The following MYRIP variants were observed in gnomAD, a reference collection of about 807,000 sequenced individuals.
MYRIP encodes the protein rab effector MyRIP.
Under a neutral mutation model 98.0 loss-of-function variants are expected in MYRIP, and 49 were observed. That is an observed-to-expected ratio of 0.50 (90% CI 0.40 to 0.63). The LOEUF is 0.63. MYRIP is among the 30% of genes least tolerant of loss of function. The probability of loss-of-function intolerance (pLI) is 0.00; values close to 1 mark genes in which losing one functional copy is unlikely to be tolerated. For missense variants in MYRIP, 1,004 were observed against 1,058.2 expected, an observed-to-expected ratio of 0.95 and a Z score of 0.71; for synonymous variants, 404 against 409.5, an observed-to-expected ratio of 0.99 and a Z score of 0.16.
At chr3:39,903,867 C>T (rs1048003606) in intron 2 of MYRIP, among the ~76,000 whole-genome samples, 2 of 152,130 alleles carry the variant, frequency 1.3e-5, no homozygotes, top group Non-Finnish European at 2.9e-5. Flanking sequence ...TTTTACTCTC[C>T]CTCCCTCCTT....
chr3:40,151,727 G>A (rs1037470380), intron 4 of MYRIP, among the ~76,000 whole-genome samples: 5 of 152,256 alleles, frequency 3.3e-5, no homozygotes, highest in African/African-American at 1.2e-4. Flanking sequence ...ACTTGGAATG[G>A]GAAATTATAT....
At chr3:39,837,862 T>C (rs1212806006) in intron 1 of MYRIP, among the ~76,000 whole-genome samples, 2 of 152,244 alleles carry the variant, frequency 1.3e-5, no homozygotes, top group African/African-American at 2.4e-5. Flanking sequence ...GGAATGTTTT[T>C]CCATTTGTTC....
intron 1 of MYRIP, among the ~76,000 whole-genome samples, chr3:39,838,010 C>G (rs898201501): frequency 1.1e-4 from 16 of 152,094 alleles, no homozygotes; most frequent in African/African-American, 3.9e-4. Flanking sequence ...TGATTTGGCT[C>G]TCTGTCTACT....
intron 2 of MYRIP, among the ~76,000 whole-genome samples, chr3:40,017,605 C>G (rs377656807): frequency 6.6e-6 from 1 of 151,390 alleles, no homozygotes; most frequent in African/African-American, 2.4e-5. Context: ...CATAAGGGAA[C>G]TTTGAACAAT....
rs552947227 is a variant in MYRIP at position 39,842,334 on chromosome 3, C to T, written c.-31+32418C>T. ...CTGACCAGGCTCCAGTGTCCCTGGTCGACTTCAGACTGCCGTGCTGGCAGC... is the reference window on the plus strand; with the variant it reads ...CTGACCAGGCTCCAGTGTCCCTGGTTGACTTCAGACTGCCGTGCTGGCAGC... On this transcript the variant is annotated intron_variant, in intron 1 of 16. Coordinates refer to ENST00000302541, the MANE Select transcript of MYRIP (RefSeq NM_015460.4). Among the ~76,000 whole-genome samples the T allele has an allele frequency of 2.6e-5, 4 of 152,256 alleles. No individual in the cohort carries two copies. The South Asian group carries it at 8.3e-4, about 32-fold the overall frequency.
chr3:40,243,915 A>G (rs1332086183), intron 12 of MYRIP, among the ~76,000 whole-genome samples: 1 of 152,228 alleles, frequency 6.6e-6, no homozygotes, highest in African/African-American at 2.4e-5. Context: ...ATATTTTTCT[A>G]TTACAAACTT....
intron 2 of MYRIP, among the ~76,000 whole-genome samples, chr3:39,939,500 G>A (rs892055417): frequency 2.0e-5 from 3 of 152,076 alleles, no homozygotes; most frequent in Non-Finnish European, 2.9e-5. Context: ...TTATCTGCAC[G>A]TGTGTGTAAG....
chr3:39,967,084 C>T (rs1945461476), intron 2 of MYRIP, among the ~76,000 whole-genome samples: 1 of 152,156 alleles, frequency 6.6e-6, no homozygotes, highest in African/African-American at 2.4e-5. Context: ...TAGGGGCAGA[C>T]AGTATATGTA....
Position 40,167,236 on chromosome 3 carries a change from G to A in MYRIP, c.726G>A (p.Gln242=). The change falls in exon 7 of 17, where the codon CAG becomes CAA. Residue 242 remains glutamine, a synonymous_variant. Coordinates refer to ENST00000302541, the MANE Select transcript of MYRIP (RefSeq NM_015460.4). ...LTEELATTIL[Q]KIIRKQKSKS... Reference sequence around the variant, plus strand: ...AGGAACTGGCCACGACAATCCTGCAGAAGGTAGGTGGGTCCTGGCAGTGGG... The same window carrying A: ...AGGAACTGGCCACGACAATCCTGCAAAAGGTAGGTGGGTCCTGGCAGTGGG... The A allele has an allele frequency of 6.2e-7, 1 of 1,614,138 alleles. No homozygotes were observed. The highest frequency in any genetic ancestry group is 8.5e-7 in the Non-Finnish European group (1 of 1,180,006).
chr3:40,238,303 G>A (rs114805013), intron 12 of MYRIP, among the ~76,000 whole-genome samples: 188 of 152,322 alleles, frequency 1.2e-3, no homozygotes, highest in Non-Finnish European at 1.8e-3. Flanking sequence ...AGCCATGGGC[G>A]CGTTGCCTTG....
intron 2 of MYRIP, among the ~76,000 whole-genome samples, chr3:40,042,288 T>TAAAA (rs66600615): frequency 1.1e-4 from 12 of 112,528 alleles, no homozygotes; most frequent in African/African-American, 1.7e-4. Context: ...ACTGGAAGGA[T>TAAAA]AAAAAAAAAA....
Position 39,959,347 on chromosome 3 carries a change from A to G in MYRIP, c.110+58421A>G, listed in dbSNP as rs150490036. ...ACCATGGAATACTATGCAGCCATAC[A>G]AAAGGATGAGTTCATGTCCTTTGTA... On this transcript the variant is annotated intron_variant, in intron 2 of 16. Coordinates refer to ENST00000302541, the MANE Select transcript of MYRIP (RefSeq NM_015460.4). Among the ~76,000 whole-genome samples the G allele has an allele frequency of 8.7e-3, 1,331 of 152,314 alleles. 10 individuals carry two copies. Among genetic ancestry groups the G allele is most frequent in the Non-Finnish European group, 0.014 (937 of 68,026 alleles).
chr3:40,095,619 G>A (rs1393400447), intron 3 of MYRIP, among the ~76,000 whole-genome samples: 1 of 151,970 alleles, frequency 6.6e-6, no homozygotes, highest in Non-Finnish European at 1.5e-5. Context: ...CGTGGGCAGG[G>A]GCTGTGTATA....
In MYRIP at chr3:40,044,061, A is replaced by G; in HGVS notation, c.122A>G (p.Gln41Arg). The G allele has an allele frequency of 1.2e-6, 2 of 1,613,882 alleles. No individual in the cohort carries two copies. The highest frequency in any genetic ancestry group is 1.7e-6 in the Non-Finnish European group (2 of 1,179,874). ...CCTTGGTTTCCCAGTGAGCTGAAGCAGAAGCTGGATGAGGAAGGCAGCAAG... is the reference window on the plus strand; with the variant it reads ...CCTTGGTTTCCCAGTGAGCTGAAGCGGAAGCTGGATGAGGAAGGCAGCAAG... ...KEEERLSELK[Q>R]KLDEEGSKCS... Residue 41 changes from glutamine to arginine, a missense_variant, in exon 3 of 17, where the codon CAG becomes CGG. Coordinates refer to ENST00000302541, the MANE Select transcript of MYRIP (RefSeq NM_015460.4).
rs372828304 is a variant in MYRIP, at chr3:40,251,586, A to C, written c.2429-295A>C. ...TTCTTTTGGCTCCAAAGTTGTAAAA[A>C]TTTGCAAGTTTTAGAACCTTTTCTA... On this transcript the variant is annotated intron_variant, in intron 15 of 16. Coordinates refer to ENST00000302541, the MANE Select transcript of MYRIP (RefSeq NM_015460.4). Among the ~76,000 whole-genome samples the C allele has an allele frequency of 2.0e-5, 3 of 152,216 alleles. No homozygotes were observed. The East Asian group carries it at 5.8e-4, about 29-fold the overall frequency.
At chr3:39,872,300 G>C (rs1942819613) in intron 1 of MYRIP, among the ~76,000 whole-genome samples, 2 of 150,960 alleles carry the variant, frequency 1.3e-5, no homozygotes, top group Admixed American at 1.3e-4. Context: ...GTCTCTTACT[G>C]TATTTATGTC....
At position 40,169,946 on chromosome 3, in the gene MYRIP, C is replaced by A. The variant is rs368449765; in HGVS notation, c.730-4C>A. The A allele has an allele frequency of 6.2e-7, 1 of 1,614,068 alleles. No individual in the cohort carries two copies. Among genetic ancestry groups the A allele is most frequent in the Non-Finnish European group, 8.5e-7 (1 of 1,180,038 alleles). On this transcript the variant is annotated splice_polypyrimidine_tract_variant and splice_region_variant and intron_variant, in intron 7 of 16. Coordinates refer to ENST00000302541, the MANE Select transcript of MYRIP (RefSeq NM_015460.4). Reference sequence around the variant, plus strand: ...TTGCCCCTTTTTTGTCCTCCCCTCCCCAGATTATACGAAAACAGAAGAGCA... The same window carrying A: ...TTGCCCCTTTTTTGTCCTCCCCTCCACAGATTATACGAAAACAGAAGAGCA...
At chr3:40,036,348 C>T (rs1477595805) in intron 2 of MYRIP, among the ~76,000 whole-genome samples, 1 of 132,230 alleles carries the variant, frequency 7.6e-6, no homozygotes, top group African/African-American at 2.8e-5. Context: ...GAGCTGTCAA[C>T]TTGGAATTCT....
chr3:39,863,496 AC>A (rs1942530239), intron 1 of MYRIP, among the ~76,000 whole-genome samples: 1 of 152,144 alleles, frequency 6.6e-6, no homozygotes, highest in Non-Finnish European at 1.5e-5. Context: ...AATACAAAAA[AC>A]AAAAACAAAA....
Sources: gnomAD v4.1 joint callset for allele counts (sites outside exome capture counted in the v4.1 genomes callset) on GRCh38, gnomAD v4.1.1 for gene constraint, MANE v1.5 for transcripts, NCBI Gene and HGNC (gene_info 2026-07-23, HGNC 2026-07-21) for gene names.